The following TSPAN9 variants were observed in gnomAD, a reference collection of about 807,000 sequenced individuals.
TSPAN9 encodes the protein tetraspanin 9.
TSPAN9 carries 16 observed loss-of-function variants against 31.0 expected under a neutral mutation model. That is an observed-to-expected ratio of 0.52 (90% CI 0.35 to 0.78). TSPAN9 has a LOEUF of 0.78. Ranked by LOEUF, TSPAN9 falls within the 30% of genes least tolerant of loss-of-function variation. The pLI, the probability that TSPAN9 is intolerant of heterozygous loss-of-function variation, is 0.01. For missense variants in TSPAN9, 272 were observed against 312.5 expected, an observed-to-expected ratio of 0.87 and a Z score of 0.98; for synonymous variants, 145 against 121.6, an observed-to-expected ratio of 1.19 and a Z score of -1.27.
At chr12:3,269,069 C>T (rs1396183256) in intron 3 of TSPAN9, among the ~76,000 whole-genome samples, 6 of 76,016 alleles carry the variant, frequency 7.9e-5, no homozygotes, top group Admixed American at 2.4e-4. Flanking sequence ...TCCGTGCGTT[C>T]CTGCAGCCTG....
chr12:3,201,005 A>G (rs1260680275), intron 2 of TSPAN9, 172 bp from the exon 3 acceptor site: 1 of 607,558 alleles, frequency 1.6e-6, no homozygotes, highest in East Asian at 2.8e-5. Flanking sequence ...CAAGCCGTCC[A>G]CCTCCGGCCG....
intron 3 of TSPAN9, among the ~76,000 whole-genome samples, chr12:3,220,841 A>T (rs1185767782): frequency 6.6e-6 from 1 of 152,108 alleles, no homozygotes; most frequent in Non-Finnish European, 1.5e-5. Context: ...TCTTCCGTTC[A>T]GAGGACAGGG....
chr12:3,203,197 G>C (rs2098373005), intron 3 of TSPAN9, among the ~76,000 whole-genome samples: 1 of 151,948 alleles, frequency 6.6e-6, no homozygotes, highest in Non-Finnish European at 1.5e-5. Context: ...TGCCTGCGGT[G>C]CCTTTCTTCT....
chr12:3,162,705 C>G (rs1014928155), intron 2 of TSPAN9, among the ~76,000 whole-genome samples: 1 of 152,206 alleles, frequency 6.6e-6, no homozygotes, highest in African/African-American at 2.4e-5. Flanking sequence ...TTTCTTTCCC[C>G]TCAGCTCTTT....
intron 3 of TSPAN9, among the ~76,000 whole-genome samples, chr12:3,245,756 C>G (rs1407004230): frequency 6.6e-6 from 1 of 152,182 alleles, no homozygotes; most frequent in Non-Finnish European, 1.5e-5. Context: ...GGCACGGAGC[C>G]ATCGTCAGCA....
intron 3 of TSPAN9, among the ~76,000 whole-genome samples, chr12:3,237,091 C>T (rs917615356): frequency 2.6e-5 from 4 of 152,030 alleles, no homozygotes; most frequent in Admixed American, 6.5e-5. Context: ...GTAGGTGGGG[C>T]GGCAGCTGAA....
At chr12:3,153,076 G>C (rs1379718219) in intron 2 of TSPAN9, among the ~76,000 whole-genome samples, 2 of 152,176 alleles carry the variant, frequency 1.3e-5, no homozygotes. Context: ...GTGTGGTGGT[G>C]GTGGTGGTGG....
At chr12:3,224,090 AT>A (rs1555154657) in intron 3 of TSPAN9, among the ~76,000 whole-genome samples, 1 of 147,100 alleles carries the variant, frequency 6.8e-6, no homozygotes, top group African/African-American at 2.7e-5. Context: ...AAAAAAAAAA[AT>A]TTTTTTTCTG....
chr12:3,146,809 A>G (rs7965462), intron 2 of TSPAN9, among the ~76,000 whole-genome samples: 6,718 of 152,024 alleles, frequency 0.044, 169 homozygotes, highest in East Asian at 0.12. Context: ...GTGCGTCTGG[A>G]CATTCTCTGG....
chr12:3,166,586 T>C (rs1229825439), intron 2 of TSPAN9, among the ~76,000 whole-genome samples: 1 of 152,246 alleles, frequency 6.6e-6, no homozygotes, highest in Non-Finnish European at 1.5e-5. Flanking sequence ...TCTAACCTTC[T>C]GTTGAAGTAT....
chr12:3,214,442 G>A (rs531316675), intron 3 of TSPAN9, among the ~76,000 whole-genome samples: 16 of 152,324 alleles, frequency 1.1e-4, no homozygotes, highest in African/African-American at 2.9e-4. Flanking sequence ...TGGAGTGAGC[G>A]GCTGCCTGCC....
intron 2 of TSPAN9, among the ~76,000 whole-genome samples, chr12:3,119,907 C>T (rs576502959): frequency 5.9e-5 from 9 of 152,192 alleles, no homozygotes; most frequent in South Asian, 2.1e-4. Context: ...GCCAGCGCCC[C>T]GGAGTCTGGT....
In TSPAN9 at chr12:3,283,189, G is replaced by A. The variant is rs1314949556; in HGVS notation, c.*73G>A. 1 of 1,513,016 alleles carries A rather than the reference G, an allele frequency of 6.6e-7. No individual in the cohort carries two copies. The highest frequency in any genetic ancestry group is 9.0e-7 in the Non-Finnish European group (1 of 1,105,098). 93.7% of individuals were successfully genotyped at this position (1,513,016 alleles called of 1,614,324 possible). ...AAGAGGATTGAGCTTTGTGTCACCT[G>A]CCTGCGCTCTCCAGATATGACCCCT... On this transcript the variant is annotated 3_prime_UTR_variant, in exon 9 of 9. Coordinates refer to ENST00000011898, the MANE Select transcript of TSPAN9 (RefSeq NM_006675.5).
chr12:3,224,412 C>G (rs2011973), intron 3 of TSPAN9, among the ~76,000 whole-genome samples: 1 of 152,104 alleles, frequency 6.6e-6, no homozygotes, highest in Non-Finnish European at 1.5e-5. Flanking sequence ...CAGAATGCAG[C>G]GAGTCTGGCC....
In TSPAN9 at chr12:3,284,851, C is replaced by T. The variant is rs1720167149; in HGVS notation, c.*1735C>T. 6.6e-6 allele frequency: 1 copy of T among 152,356 alleles called. No homozygotes were observed. Among genetic ancestry groups the T allele is most frequent in the South Asian group, 2.1e-4 (1 of 4,830 alleles). The allele number at this position is 152,356 out of a possible 1,614,324, so 9.4% of individuals were successfully genotyped here. A position where few individuals can be genotyped will look rare whatever the true frequency, so the allele number is the denominator to read the frequency against. On this transcript the variant is annotated 3_prime_UTR_variant, in exon 9 of 9. Transcript: ENST00000011898. ...GGGGCCAGGTCTCTTCTCCAGCCTC[C>T]ACCTGCCTGTCTGATCCAAGAGCTG...
chr12:3,096,741 G>A (rs7485669), intron 2 of TSPAN9, among the ~76,000 whole-genome samples: 93,448 of 151,108 alleles, frequency 0.62, 29,802 homozygotes, highest in African/African-American at 0.76. Flanking sequence ...TCTGTCGCCC[G>A]GAGTGCAATG....
Position 3,244,243 on chromosome 12 carries a change from A to G in TSPAN9, c.64-34178A>G, listed in dbSNP as rs544741735. 3.9e-5 allele frequency among the ~76,000 whole-genome samples: 6 copies of G among 152,134 alleles called. No homozygotes were observed. In the South Asian group the frequency reaches 1.0e-3, roughly 26 times the overall value. On this transcript the variant is annotated intron_variant, in intron 3 of 8. Transcript: ENST00000011898. The stretch of plus-strand genomic sequence containing the variant: ...CCCTCCCCAAGAGACTGCCAGCCAC[A>G]TGGGCCCTGGTCCCAGTAGGTAAGC...
At chr12:3,238,258 C>T (rs752051332) in intron 3 of TSPAN9, among the ~76,000 whole-genome samples, 1 of 152,220 alleles carries the variant, frequency 6.6e-6, no homozygotes, top group African/African-American at 2.4e-5. Context: ...CCTGCTTCTG[C>T]ATCTGTGTCC....
intron 3 of TSPAN9, among the ~76,000 whole-genome samples, chr12:3,205,304 C>T (rs187869033): frequency 1.8e-4 from 27 of 152,178 alleles, no homozygotes; most frequent in Non-Finnish European, 2.9e-4. Context: ...CTGAGGAGGC[C>T]GTGTTCAGCC....
Sources: allele counts gnomAD v4.1 joint callset (sites outside exome capture counted in the v4.1 genomes callset), GRCh38; gene constraint gnomAD v4.1.1; transcripts MANE v1.5; gene names NCBI Gene and HGNC (gene_info 2026-07-23, HGNC 2026-07-21).